SLC44A5: variants seen among roughly 807,000 people sequenced by gnomAD.
SLC44A5 encodes the protein choline transporter-like protein 5.
A neutral mutation model predicts 101.8 loss-of-function variants in SLC44A5; 57 were observed. The ratio of observed to expected loss-of-function variants is 0.56; its 90% CI spans 0.45 to 0.70. The LOEUF (loss-of-function observed/expected upper bound fraction) is 0.70, where lower values mean the gene tolerates loss of function less well. Among genes scored for constraint, SLC44A5 ranks in the 30% least tolerant of loss-of-function variants. SLC44A5 has a pLI of 0.00. For synonymous variants in SLC44A5, 281 were observed against 290.9 expected, an observed-to-expected ratio of 0.97 and a Z score of 0.35; for missense variants, 737 against 853.1, an observed-to-expected ratio of 0.86 and a Z score of 1.70.
At chr1:75,582,608 G>C (rs1188189674) in intron 1 of SLC44A5, 7 of 302,404 alleles carry the variant, frequency 2.3e-5, no homozygotes, top group Admixed American at 2.3e-4. Context: ...GGTGTGACCC[G>C]CCCTGCACTG....
chr1:75,464,166 G>A (rs1272400264), intron 2 of SLC44A5, among the ~76,000 whole-genome samples: 4 of 127,548 alleles, frequency 3.1e-5, no homozygotes, highest in African/African-American at 1.2e-4. Flanking sequence ...AGGTTGCAGT[G>A]AACCGAGATT....
chr1:75,535,364 G>A (rs1191558618), intron 2 of SLC44A5, among the ~76,000 whole-genome samples: 1 of 152,120 alleles, frequency 6.6e-6, no homozygotes, highest in African/African-American at 2.4e-5. Flanking sequence ...GAGAAATGCT[G>A]AATCCGCAGC....
At chr1:75,332,204 A>G (rs1218112378) in intron 4 of SLC44A5, among the ~76,000 whole-genome samples, 10 of 152,120 alleles carry the variant, frequency 6.6e-5, no homozygotes, top group African/African-American at 2.4e-4. Flanking sequence ...TAATTGGTAT[A>G]TTTTCTTCCA....
chr1:75,554,817 AC>A (rs1431240334), intron 1 of SLC44A5, among the ~76,000 whole-genome samples: 6 of 152,146 alleles, frequency 3.9e-5, no homozygotes, highest in Non-Finnish European at 7.4e-5. Flanking sequence ...AGTAGGAAAT[AC>A]AAAAAAATAA....
chr1:75,682,948 C>A, the SLC44A5 span, among the ~76,000 whole-genome samples: 3 of 152,056 alleles, frequency 2.0e-5, no homozygotes, highest in Non-Finnish European at 1.5e-5. Flanking sequence ...GGGCGAAGGA[C>A]ATGAATAGAC....
chr1:75,301,796 AG>A (rs1331454100), intron 4 of SLC44A5, among the ~76,000 whole-genome samples: 1 of 152,200 alleles, frequency 6.6e-6, no homozygotes, highest in Non-Finnish European at 1.5e-5. Flanking sequence ...TACGTGAAAG[AG>A]GTTCTTAAAG....
chr1:75,581,792 G>A (rs1673712603), intron 1 of SLC44A5, among the ~76,000 whole-genome samples: 1 of 152,118 alleles, frequency 6.6e-6, no homozygotes, highest in Admixed American at 6.6e-5. Context: ...TTTTAAAAGA[G>A]CCTAGCACCT....
At chr1:75,221,237 A>G (rs182025253) in intron 14 of SLC44A5, among the ~76,000 whole-genome samples, 180 of 152,310 alleles carry the variant, frequency 1.2e-3, no homozygotes, top group Admixed American at 3.1e-3. Flanking sequence ...AATAATCCTT[A>G]AAGACTGTTA....
chr1:75,276,055 A>T (rs572697379), intron 5 of SLC44A5, among the ~76,000 whole-genome samples: 2 of 152,292 alleles, frequency 1.3e-5, no homozygotes, highest in South Asian at 4.1e-4. Context: ...GAGAATTTCA[A>T]TATGGAAGAA....
chr1:75,459,149 A>C (rs1666353749), intron 2 of SLC44A5, among the ~76,000 whole-genome samples: 1 of 152,180 alleles, frequency 6.6e-6, no homozygotes, highest in African/African-American at 2.4e-5. Context: ...ATCCAGATGA[A>C]GATTCAAGAG....
At chr1:75,620,212 T>A in the SLC44A5 span, among the ~76,000 whole-genome samples, 2 of 152,194 alleles carry the variant, frequency 1.3e-5, no homozygotes, top group African/African-American at 4.8e-5. Flanking sequence ...TGTGCCACAT[T>A]TTCTTTATCC....
At chr1:75,498,150 C>A (rs1430800180) in intron 2 of SLC44A5, among the ~76,000 whole-genome samples, 1 of 152,124 alleles carries the variant, frequency 6.6e-6, no homozygotes, top group Non-Finnish European at 1.5e-5. Context: ...ACTTCTATTT[C>A]TGACAGTATA....
At chr1:75,717,660 G>A in the SLC44A5 span, among the ~76,000 whole-genome samples, 1 of 152,116 alleles carries the variant, frequency 6.6e-6, no homozygotes, top group African/African-American at 2.4e-5. Flanking sequence ...ATTGATGGGG[G>A]TGAAACTTAG....
At chr1:75,299,992 G>A (rs1654303316) in intron 5 of SLC44A5, among the ~76,000 whole-genome samples, 3 of 131,278 alleles carry the variant, frequency 2.3e-5, no homozygotes, top group African/African-American at 3.4e-5. Context: ...CTCCAGCCTG[G>A]GAACACAGTG....
At chr1:75,431,974 T>C (rs1330976608) in intron 2 of SLC44A5, among the ~76,000 whole-genome samples, 5 of 152,170 alleles carry the variant, frequency 3.3e-5, no homozygotes, top group East Asian at 1.9e-4. Context: ...GTTCATTTTA[T>C]TCTTGCCTAT....
At chr1:75,387,125 A>G (rs1483397672) in intron 3 of SLC44A5, among the ~76,000 whole-genome samples, 1 of 152,184 alleles carries the variant, frequency 6.6e-6, no homozygotes, top group Non-Finnish European at 1.5e-5. Context: ...AAACCTAGGC[A>G]TTACCATTCA....
At chr1:75,604,084 C>T (rs80299553) in intron 1 of SLC44A5, among the ~76,000 whole-genome samples, 2,722 of 151,834 alleles carry the variant, frequency 0.018, 76 homozygotes, top group African/African-American at 0.062. Context: ...ATAAATTTTT[C>T]CCAAAGTCAA....
the SLC44A5 span, among the ~76,000 whole-genome samples, chr1:75,680,057 G>A: frequency 2.9e-3 from 443 of 152,268 alleles, 1 homozygote; most frequent in Non-Finnish European, 4.8e-3. Flanking sequence ...AACAAGAAGA[G>A]CTAACTATCC....
At chr1:75,222,754 A>G (rs562978235) in intron 13 of SLC44A5, among the ~76,000 whole-genome samples, 1 of 152,316 alleles carries the variant, frequency 6.6e-6, no homozygotes, top group South Asian at 2.1e-4. Flanking sequence ...GGAATGGAAA[A>G]AGGGAAGGGC....
Sources: gnomAD v4.1 joint callset for allele counts (sites outside exome capture counted in the v4.1 genomes callset) on GRCh38, gnomAD v4.1.1 for gene constraint, MANE v1.5 for transcripts, NCBI Gene and HGNC (gene_info 2026-07-23, HGNC 2026-07-21) for gene names.